TARDBP: variants seen among roughly 807,000 people sequenced by gnomAD.
The protein encoded by TARDBP is TAR DNA-binding protein 43.
A neutral mutation model predicts 38.3 loss-of-function variants in TARDBP; 4 were observed. The observed-to-expected ratio is 0.10, with a 90% CI of 0.05 to 0.24. The LOEUF (loss-of-function observed/expected upper bound fraction) is 0.24. TARDBP is among the 10% of genes least tolerant of loss of function. The pLI is 1.00. For missense variants in TARDBP, 202 were observed against 521.9 expected, an observed-to-expected ratio of 0.39 and a Z score of 5.97; for synonymous variants, 184 against 183.8, an observed-to-expected ratio of 1.00 and a Z score of -0.01.
rs80356726 is a variant in TARDBP at position 11,022,352 on chromosome 1, G to A, written c.943G>A (p.Ala315Thr). The change falls in exon 6 of 6, where the codon GCG becomes ACG. Residue 315 changes from alanine (A) to threonine (T), a missense_variant. Ala to Thr is a moderately conservative substitution (Grantham distance 58, BLOSUM62 0). Coordinates refer to ENST00000240185, the MANE Select transcript of TARDBP (RefSeq NM_007375.4). This position sits in a 1 kb window ranked among gnomAD's most constrained non-coding sequence, Gnocchi z 4.5. Reference sequence around the variant, plus strand: ...TATGGGTGGTGGGATGAACTTTGGTGCGTTCAGCATTAATCCAGCCATGAT... The same window carrying A: ...TATGGGTGGTGGGATGAACTTTGGTACGTTCAGCATTAATCCAGCCATGAT... ...SNMGGGMNFGAFSINPAMMAA... is the reference protein window; with the variant it reads ...SNMGGGMNFGTFSINPAMMAA... 6.2e-7 allele frequency: 1 copy of A among 1,613,924 alleles called. No individual in the cohort carries two copies. Among genetic ancestry groups the A allele is most frequent in the Non-Finnish European group, 8.5e-7 (1 of 1,179,864 alleles).
chr1:11,022,317 A>G lies in TARDBP; in HGVS notation c.908A>G (p.Gln303Arg). The stretch of plus-strand genomic sequence containing the variant: ...GGTGGAGCTGGTTTGGGAAACAATC[A>G]AGGTAGTAATATGGGTGGTGGGATG... ...RGGGAGLGNN[Q>R]GSNMGGGMNF... The change falls in exon 6 of 6, where the codon CAA becomes CGA. Residue 303 changes from glutamine to arginine, a missense_variant. By Grantham distance (43) the Gln-to-Arg change is conservative (BLOSUM62 1). Transcript: ENST00000240185. This position sits in a 1 kb window ranked among gnomAD's most constrained non-coding sequence, Gnocchi z 4.5. 6.2e-7 allele frequency: 1 copy of G among 1,613,960 alleles called. No individual in the cohort carries two copies. The highest frequency in any genetic ancestry group is 8.5e-7 in the Non-Finnish European group (1 of 1,179,848).
intron 3 of TARDBP, chr1:11,018,356 T>C (rs1570718877): frequency 3.1e-6 from 1 of 319,056 alleles, no homozygotes; most frequent in Non-Finnish European, 6.1e-6. Flanking sequence ...ACCTGGCTAA[T>C]CTTTGTATTT....
downstream of TARDBP, chr1:11,026,831 A>G (rs1424176005): frequency 6.3e-6 from 9 of 1,419,014 alleles, no homozygotes; most frequent in Non-Finnish European, 8.4e-6. Flanking sequence ...GTCGCTGCCA[A>G]GGTCTTCACA....
downstream of TARDBP, chr1:11,030,283 C>A (rs775535532): frequency 6.8e-7 from 1 of 1,471,778 alleles, no homozygotes; most frequent in South Asian, 1.1e-5. Flanking sequence ...AAATGTTTAA[C>A]TGCATGTATA....
At position 11,023,991 on chromosome 1, in the gene TARDBP, T is replaced by C. The variant is rs1643687041; in HGVS notation, c.*1337T>C. 1 of 152,644 alleles carries C rather than the reference T, an allele frequency of 6.6e-6. No homozygotes were observed. The highest frequency in any genetic ancestry group is 2.4e-5 in the African/African-American group (1 of 41,452). 9.5% of individuals were successfully genotyped at this position (152,644 alleles called of 1,614,324 possible). On this transcript the variant is annotated 3_prime_UTR_variant, in exon 6 of 6. Transcript: ENST00000240185. ...GTTCTGTGTCCTGTGCTTGGATGCT[T>C]TTTATAAGAGTTGTCATTGTTGGAA...
At position 11,012,734 on chromosome 1, in the gene TARDBP, G is replaced by C. The variant is rs756901478; in HGVS notation, c.-22G>C. On this transcript the variant is annotated 5_prime_UTR_variant, in exon 1 of 6. Transcript: ENST00000240185. Reference sequence around the variant, plus strand: ...TGTCCCTGTCGGGCTTCCCAGCAGCGGCCTAGCGGGTGAGTCGCGGAGCCT... The same window carrying C: ...TGTCCCTGTCGGGCTTCCCAGCAGCCGCCTAGCGGGTGAGTCGCGGAGCCT... The C allele has an allele frequency of 6.6e-6, 1 of 152,308 alleles. No individual in the cohort carries two copies. The highest frequency in any genetic ancestry group is 2.4e-5 in the African/African-American group (1 of 41,472). 9.4% of individuals were successfully genotyped at this position (152,308 alleles called of 1,614,324 possible). A position where few individuals can be genotyped will look rare whatever the true frequency, so the allele number is the denominator to read the frequency against.
chr1:11,014,079 C>T, intron 2 of TARDBP, 114 bp downstream of exon 2: 1 of 1,080,428 alleles, frequency 9.3e-7, no homozygotes, highest in South Asian at 1.3e-5. Flanking sequence ...TAAGTATTTC[C>T]TTGAACTTCA....
downstream of TARDBP, chr1:11,026,740 G>T: frequency 1.8e-6 from 1 of 566,596 alleles, no homozygotes; most frequent in Non-Finnish European, 2.8e-6. Flanking sequence ...AGAAATGACA[G>T]CAGCCTCACC....
intron 2 of TARDBP, among the ~76,000 whole-genome samples, chr1:11,015,306 T>C (rs1043256921): frequency 1.3e-5 from 2 of 151,362 alleles, no homozygotes; most frequent in East Asian, 3.9e-4. Flanking sequence ...GCCAACATGG[T>C]GAAACCCTGT....
In TARDBP at chr1:11,023,027, C is replaced by T. The variant is rs1643671360; in HGVS notation, c.*373C>T. ...CCATTGATTAGAACTACATTCTTTA[C>T]CCCTTGTTTTAATTTGAACCCCACC... is the stretch of plus-strand genomic sequence containing the variant. On this transcript the variant is annotated 3_prime_UTR_variant, in exon 6 of 6. Transcript: ENST00000240185. 1 of 1,428,394 alleles carries T rather than the reference C, an allele frequency of 7.0e-7. No homozygotes were observed. Among genetic ancestry groups the T allele is most frequent in the Non-Finnish European group, 9.2e-7 (1 of 1,088,570 alleles). 88.5% of individuals were successfully genotyped at this position (1,428,394 alleles called of 1,614,324 possible). A position where few individuals can be genotyped will look rare whatever the true frequency, so the allele number is the denominator to read the frequency against.
At position 11,018,837 on chromosome 1, in the gene TARDBP, T is replaced by C. The variant is rs764451101; in HGVS notation, c.507T>C (p.Asp169=). The C allele has an allele frequency of 5.6e-6, 9 of 1,614,096 alleles. No individual in the cohort carries two copies. In the South Asian group the frequency reaches 7.7e-5, roughly 14 times the overall value. ...VKVMSQRHMI[D]GRWCDCKLPN... is the part of the protein sequence containing the mutation. ...TAATGTCACAGCGACATATGATAGA[T>C]GGACGATGGTGTGACTGCAAACTTC... Residue 169 remains aspartate, a synonymous_variant, in exon 4 of 6, where the codon GAT becomes GAC. Transcript: ENST00000240185.
At chr1:11,027,293 A>G (rs2100867176), downstream of TARDBP, 2 of 1,613,966 alleles carry the variant, frequency 1.2e-6, no homozygotes, top group East Asian at 4.5e-5. Flanking sequence ...TTGGCAGACA[A>G]ATAGGCGTGA....
intron 5 of TARDBP, 54 bp downstream of exon 5, chr1:11,020,653 A>C (rs931088236): frequency 6.6e-7 from 1 of 1,512,286 alleles, no homozygotes; most frequent in African/African-American, 2.4e-5. Flanking sequence ...TCATGCTTAC[A>C]ATCCCAGCAC....
downstream of TARDBP, chr1:11,029,982 A>G (rs1643814742): frequency 2.0e-6 from 1 of 494,874 alleles, no homozygotes; most frequent in East Asian, 3.5e-5. Flanking sequence ...CAAATGACTG[A>G]TGCAGTCAGC....
downstream of TARDBP, chr1:11,025,690 C>T (rs1246615954): frequency 6.6e-6 from 1 of 152,160 alleles, no homozygotes; most frequent in African/African-American, 2.4e-5. Context: ...GGAATGGTAA[C>T]TTTTAGTTAG....
At chr1:11,028,696 G>A (rs1643781359), downstream of TARDBP, among the ~76,000 whole-genome samples, 1 of 104,634 alleles carries the variant, frequency 9.6e-6, no homozygotes, top group Admixed American at 1.2e-4. Context: ...TATCTTTCTG[G>A]GTTTTTTTTC....
chr1:11,019,070 A>C, intron 4 of TARDBP, 197 bp downstream of exon 4: 1 of 679,606 alleles, frequency 1.5e-6, no homozygotes, highest in Non-Finnish European at 2.5e-6. Context: ...TACTTCTCCA[A>C]ACTAAACCTT....
chr1:11,019,663 T>A (rs576959432), intron 4 of TARDBP, among the ~76,000 whole-genome samples: 1 of 151,840 alleles, frequency 6.6e-6, no homozygotes, highest in African/African-American at 2.4e-5. Context: ...GCCTCCCGGG[T>A]TCACGTCGTT....
At chr1:11,016,762 C>T in intron 2 of TARDBP, 82 bp from the exon 3 acceptor site, 11 of 1,429,920 alleles carry the variant, frequency 7.7e-6, no homozygotes, top group Admixed American at 5.6e-5. Context: ...CTTTTTGCTT[C>T]TCATTTCTAG....
Sources: allele counts gnomAD v4.1 joint callset (sites outside exome capture counted in the v4.1 genomes callset), GRCh38; gene constraint gnomAD v4.1.1; non-coding constraint Gnocchi (gnomAD v3.1); transcripts MANE v1.5; gene names NCBI Gene and HGNC (gene_info 2026-07-23, HGNC 2026-07-21).